Variants in CREB5 observed in about 807,000 individuals in gnomAD.
CREB5 encodes the protein cyclic AMP-responsive element-binding protein 5.
CREB5 carries 19 observed loss-of-function variants against 57.1 expected under a neutral mutation model. That is an observed-to-expected ratio of 0.33 (90% confidence interval 0.23 to 0.49). CREB5 has a LOEUF of 0.49. Ranked by LOEUF, CREB5 falls within the 20% of genes least tolerant of loss-of-function variation. CREB5 has a pLI of 0.99. For missense variants in CREB5, 579 were observed against 671.6 expected, an observed-to-expected ratio of 0.86 and a Z score of 1.52; for synonymous variants, 238 against 238.3, an observed-to-expected ratio of 1.00 and a Z score of 0.01.
At chr7:28,582,731 G>A (rs1205305054) in intron 5 of CREB5, among the ~76,000 whole-genome samples, 1 of 152,134 alleles carries the variant, frequency 6.6e-6, no homozygotes, top group Non-Finnish European at 1.5e-5. Flanking sequence ...ACTGAAATTA[G>A]ACGTGTGGTG....
intron 9 of CREB5, among the ~76,000 whole-genome samples, chr7:28,812,671 C>T (rs1809193936): frequency 6.6e-6 from 1 of 152,202 alleles, no homozygotes; most frequent in Non-Finnish European, 1.5e-5. Flanking sequence ...GCCACAACCA[C>T]CCAGTGTTCT....
chr7:28,628,658 C>T (rs888416526), intron 5 of CREB5, among the ~76,000 whole-genome samples: 3 of 152,064 alleles, frequency 2.0e-5, no homozygotes, highest in African/African-American at 7.2e-5. Flanking sequence ...AAGGGGTGGG[C>T]TCTTAGGGTC....
upstream of CREB5, among the ~76,000 whole-genome samples, chr7:28,408,961 C>G (rs1787652969): frequency 6.6e-6 from 1 of 152,186 alleles, no homozygotes; most frequent in Middle Eastern, 3.4e-3. Flanking sequence ...CACCTCTCCC[C>G]TACCCCCATC....
intron 1 of CREB5, among the ~76,000 whole-genome samples, chr7:28,300,109 A>T (rs944937864): frequency 4.7e-5 from 7 of 147,628 alleles, no homozygotes; most frequent in African/African-American, 1.5e-4. Flanking sequence ...TTACTACCTT[A>T]GGTGTTTCAT....
intron 4 of CREB5, among the ~76,000 whole-genome samples, chr7:28,538,182 T>A (rs1356835516): frequency 6.6e-6 from 1 of 152,160 alleles, no homozygotes; most frequent in Non-Finnish European, 1.5e-5. Flanking sequence ...GCCTCCCAAG[T>A]GGCTGGGATT....
chr7:28,333,279 A>G (rs373913120), intron 1 of CREB5, among the ~76,000 whole-genome samples: 2 of 152,324 alleles, frequency 1.3e-5, no homozygotes, highest in East Asian at 3.9e-4. Flanking sequence ...GTTACATAGT[A>G]GCTGTATATA....
chr7:28,377,849 G>T (rs747345867), intron 1 of CREB5, among the ~76,000 whole-genome samples: 8 of 145,308 alleles, frequency 5.5e-5, no homozygotes, highest in Non-Finnish European at 9.0e-5. Context: ...GGAGAAAGGC[G>T]TGAACCCGAG....
intron 5 of CREB5, among the ~76,000 whole-genome samples, chr7:28,678,261 G>A (rs1044209102): frequency 5.3e-5 from 8 of 152,016 alleles, no homozygotes; most frequent in African/African-American, 9.7e-5. Flanking sequence ...GGTGGTGTGC[G>A]CCTGTAGCCC....
chr7:28,712,170 G>A (rs10226517), intron 5 of CREB5, among the ~76,000 whole-genome samples: 66,924 of 151,788 alleles, frequency 0.44, 15,325 homozygotes, highest in African/African-American at 0.55. Flanking sequence ...TACCTGCCAA[G>A]GAAGCTAAGT....
intron 1 of CREB5, among the ~76,000 whole-genome samples, chr7:28,359,213 C>T (rs1232974880): frequency 8.9e-6 from 1 of 112,566 alleles, no homozygotes; most frequent in Non-Finnish European, 1.9e-5. Context: ...CGAATACACA[C>T]ACAAAACAAA....
chr7:28,306,600 G>T (rs990217000), intron 1 of CREB5, among the ~76,000 whole-genome samples: 16 of 111,930 alleles, frequency 1.4e-4, no homozygotes, highest in African/African-American at 4.1e-4. Context: ...TCGCTCTGTC[G>T]CCCAGGCTGG....
chr7:28,583,531 A>T (rs1396479560), intron 5 of CREB5, among the ~76,000 whole-genome samples: 1 of 152,172 alleles, frequency 6.6e-6, no homozygotes, highest in Non-Finnish European at 1.5e-5. Context: ...TAACAAAGGA[A>T]GTTGTATCAT....
At chr7:28,471,798 C>G (rs1790822673) in intron 1 of CREB5, among the ~76,000 whole-genome samples, 1 of 150,978 alleles carries the variant, frequency 6.6e-6, no homozygotes, top group South Asian at 2.1e-4. Context: ...TTTAATTTAT[C>G]TTGAACAGAG....
chr7:28,545,849 G>A lies in CREB5; in HGVS notation c.292-24516G>A, dbSNP rs186711807. ...GTGTGTGAAGTGAATGGTATTGTGC[G>A]TTTCTTGTGCTATTACTTTTTTCAC... On this transcript the variant is annotated intron_variant, in intron 4 of 10. Coordinates refer to ENST00000357727, the MANE Select transcript of CREB5 (RefSeq NM_182898.4). 1.4e-3 allele frequency among the ~76,000 whole-genome samples: 210 copies of A among 152,172 alleles called. 2 individuals are homozygous for A. The South Asian group carries it at 0.015, about 11-fold the overall frequency.
intron 1 of CREB5, among the ~76,000 whole-genome samples, chr7:28,301,970 G>A (rs553671908): frequency 6.6e-6 from 1 of 152,352 alleles, no homozygotes; most frequent in East Asian, 1.9e-4. Flanking sequence ...TTGATATCTG[G>A]AGAGGGTGTT....
intron 1 of CREB5, among the ~76,000 whole-genome samples, chr7:28,300,453 C>G (rs912316079): frequency 1.3e-5 from 2 of 152,190 alleles, no homozygotes; most frequent in Non-Finnish European, 2.9e-5. Context: ...GGACAATAAA[C>G]AGATTCAATT....
chr7:28,632,217 A>G (rs967541009), intron 5 of CREB5, among the ~76,000 whole-genome samples: 5 of 152,162 alleles, frequency 3.3e-5, no homozygotes, highest in Admixed American at 1.3e-4. Flanking sequence ...GACTGAATAA[A>G]CATAAGCACC....
chr7:28,777,912 T>C (rs1806755465), intron 7 of CREB5, among the ~76,000 whole-genome samples: 1 of 152,226 alleles, frequency 6.6e-6, no homozygotes, highest in Non-Finnish European at 1.5e-5. Flanking sequence ...GTCAACAGAA[T>C]ATTTTCTTTT....
chr7:28,306,555 GTTTTTT>G (rs869277871), intron 1 of CREB5, among the ~76,000 whole-genome samples: 20 of 58,084 alleles, frequency 3.4e-4, no homozygotes, highest in Admixed American at 1.3e-3. Flanking sequence ...TGTTTTTTTT[GTTTTTT>G]TTTTTTTTTT....
Sources: allele counts gnomAD v4.1 joint callset (sites outside exome capture counted in the v4.1 genomes callset), GRCh38; gene constraint gnomAD v4.1.1; transcripts MANE v1.5; gene names NCBI Gene and HGNC (gene_info 2026-07-23, HGNC 2026-07-21).